Variants in AFF2 observed in about 807,000 individuals in gnomAD.
The protein encoded by AFF2 is ALF transcription elongation factor 2, also known as AF4/FMR2 family member 2.
Under a neutral mutation model 76.9 loss-of-function variants are expected in AFF2, and 14 were observed. The observed-to-expected ratio is 0.18, with a 90% CI of 0.12 to 0.28. The LOEUF is 0.28. Among genes scored for constraint, AFF2 ranks in the 10% least tolerant of loss-of-function variants. The pLI is 1.00. For synonymous variants in AFF2, 398 were observed against 366.7 expected, an observed-to-expected ratio of 1.09 and a Z score of -0.98; for missense variants, 868 against 1,001.1, an observed-to-expected ratio of 0.87 and a Z score of 1.79.
chrX:148,993,963 A>G lies in AFF2; in HGVS notation c.*2631A>G, dbSNP rs2072563144. On this transcript the variant is annotated 3_prime_UTR_variant, in exon 21 of 21. Coordinates refer to ENST00000370460, the MANE Select transcript of AFF2 (RefSeq NM_002025.4). ...TGATGCGTGTCGTAGGTGTGCAGCTATTTGAGGGACTAAGGGATGGAGATA... is the reference window on the plus strand; with the variant it reads ...TGATGCGTGTCGTAGGTGTGCAGCTGTTTGAGGGACTAAGGGATGGAGATA... 8.9e-6 allele frequency: 1 copy of G among 112,112 alleles called. No individual in the cohort carries two copies. The highest frequency in any genetic ancestry group is 1.9e-5 in the Non-Finnish European group (1 of 53,205). The allele number at this position is 112,112 out of a possible 1,213,427, so 9.2% of individuals were successfully genotyped here. A position where few individuals can be genotyped will look rare whatever the true frequency, so the allele number is the denominator to read the frequency against.
chrX:148,792,844 A>G (rs1391103216), intron 3 of AFF2, among the ~76,000 whole-genome samples: 2 of 110,229 alleles, frequency 1.8e-5, no homozygotes, highest in African/African-American at 6.8e-5. Flanking sequence ...AACTAGACAA[A>G]AAAAGAAAGA....
At position 148,958,401 on chromosome X, in the gene AFF2, G is replaced by T; in HGVS notation, c.2633G>T (p.Cys878Phe). 2.5e-6 allele frequency: 3 copies of T among 1,210,635 alleles called. No individual in the cohort carries two copies. Among genetic ancestry groups the T allele is most frequent in the Non-Finnish European group, 3.4e-6 (3 of 894,762 alleles). The part of the protein sequence containing the change: ...KQRLEEATTI[C>F]LLPPCISPAP... ...CGCCTGGAGGAGGCCACAACTATCT[G>T]CTTGCTCCCTCCTTGCATCTCACCA... Residue 878 changes from cysteine to phenylalanine, a missense_variant, in exon 12 of 21, where the codon TGC becomes TTC. Coordinates refer to ENST00000370460, the MANE Select transcript of AFF2 (RefSeq NM_002025.4).
chrX:148,750,269 G>A (rs952112640), intron 3 of AFF2, among the ~76,000 whole-genome samples: 2 of 111,274 alleles, frequency 1.8e-5, no homozygotes, highest in Non-Finnish European at 3.8e-5. Context: ...GCGCCCAGCC[G>A]CCTGCACCCT....
chrX:148,915,294 T>C (rs782703999), intron 9 of AFF2, among the ~76,000 whole-genome samples: 1 of 112,689 alleles, frequency 8.9e-6, no homozygotes, highest in Non-Finnish European at 1.9e-5. Context: ...GTTTATATAC[T>C]CTATATCAGC....
chrX:148,615,290 C>T lies in AFF2; in HGVS notation c.48-36709C>T, dbSNP rs192568316. ...AAGGGCTTACTCTCCTCAGCTAATG[C>T]ACCATTTCAAGTCTCTGTCACTGGC... On this transcript the variant is annotated intron_variant, in intron 1 of 20. Transcript: ENST00000370460. 6.2e-5 allele frequency among the ~76,000 whole-genome samples: 7 copies of T among 112,058 alleles called. No individual in the cohort carries two copies. In the East Asian group the frequency reaches 1.4e-3, roughly 23 times the overall value.
intron 1 of AFF2, among the ~76,000 whole-genome samples, chrX:148,588,087 T>A (rs888113735): frequency 4.4e-5 from 5 of 112,645 alleles, no homozygotes; most frequent in African/African-American, 1.6e-4. Context: ...AGAAGGAAAC[T>A]AGCCTGCTCC....
At chrX:148,930,920 A>G (rs1337461207) in intron 9 of AFF2, among the ~76,000 whole-genome samples, 3 of 111,843 alleles carry the variant, frequency 2.7e-5, no homozygotes, top group Non-Finnish European at 5.6e-5. Context: ...TTCATCAAAT[A>G]CCACATTTTA....
rs2072661660 is a variant in AFF2, at chrX:149,000,324, C to A, written c.*8992C>A. ...TTTCAGTAAGTTCCAATTTCCTGTA[C>A]AGACCAGGGTAAACTGTTCTAAAAT... On this transcript the variant is annotated 3_prime_UTR_variant, in exon 21 of 21. Transcript: ENST00000370460. 1 of 112,678 alleles carries A rather than the reference C, an allele frequency of 8.9e-6. No homozygotes were observed. The highest frequency in any genetic ancestry group is 9.3e-5 in the Admixed American group (1 of 10,700). The allele number at this position is 112,678 out of a possible 1,213,427, so 9.3% of individuals were successfully genotyped here.
At chrX:148,779,236 A>G (rs1181056282) in intron 3 of AFF2, among the ~76,000 whole-genome samples, 1 of 111,355 alleles carries the variant, frequency 9.0e-6, no homozygotes, top group East Asian at 2.8e-4. Flanking sequence ...ATTCTTTTGC[A>G]TTTGCTGAGG....
intron 3 of AFF2, among the ~76,000 whole-genome samples, chrX:148,726,536 T>G (rs782120130): frequency 8.9e-6 from 1 of 112,001 alleles, no homozygotes; most frequent in South Asian, 3.7e-4. Context: ...GCACATACCA[T>G]CCTTTTGTCC....
At chrX:148,888,360 A>G (rs988928181) in intron 8 of AFF2, among the ~76,000 whole-genome samples, 2 of 111,995 alleles carry the variant, frequency 1.8e-5, no homozygotes, top group African/African-American at 6.5e-5. Flanking sequence ...ATTTTGTTTT[A>G]TGGCTAAGTA....
At chrX:148,947,267 A>T (rs374125538) in intron 9 of AFF2, among the ~76,000 whole-genome samples, 1 of 112,252 alleles carries the variant, frequency 8.9e-6, no homozygotes, top group Non-Finnish European at 1.9e-5. Context: ...CTGTCTGCTC[A>T]TCAATAGCAT....
In AFF2 at chrX:148,598,490, C is replaced by T. The variant is rs782120227; in HGVS notation, c.48-53509C>T. On this transcript the variant is annotated intron_variant, in intron 1 of 20. Transcript: ENST00000370460. Reference sequence around the variant, plus strand: ...TGGCAGGGTGAGAAGGCCCTGCTTCCTAGAGTGCCACCATCCCAAGGCACT... The same window carrying T: ...TGGCAGGGTGAGAAGGCCCTGCTTCTTAGAGTGCCACCATCCCAAGGCACT... 2.7e-5 allele frequency among the ~76,000 whole-genome samples: 3 copies of T among 112,319 alleles called. No individual in the cohort carries two copies. In the South Asian group the frequency reaches 1.1e-3, roughly 41 times the overall value.
At chrX:148,501,552 G>T (rs2052351696) in intron 1 of AFF2, among the ~76,000 whole-genome samples, 2 of 113,324 alleles carry the variant, frequency 1.8e-5, no homozygotes, top group South Asian at 7.1e-4. Flanking sequence ...CCCGCGGCGG[G>T]CCATGGGGGA....
At chrX:148,518,454 G>A (rs2052562086) in intron 1 of AFF2, among the ~76,000 whole-genome samples, 1 of 112,568 alleles carries the variant, frequency 8.9e-6, no homozygotes, top group African/African-American at 3.2e-5. Context: ...TCTGTCAGGC[G>A]AGACATTTAT....
At chrX:148,989,047 G>A (rs1436287178) in intron 20 of AFF2, among the ~76,000 whole-genome samples, 1 of 112,138 alleles carries the variant, frequency 8.9e-6, no homozygotes, top group African/African-American at 3.2e-5. Flanking sequence ...GACCTTTGGT[G>A]AGATCCCAAA....
intron 1 of AFF2, among the ~76,000 whole-genome samples, chrX:148,517,320 T>C (rs1198510994): frequency 8.9e-6 from 1 of 111,973 alleles, no homozygotes; most frequent in African/African-American, 3.3e-5. Context: ...CCTCGTTGCT[T>C]CATGCTGGAG....
chrX:148,863,268 A>G (rs1340640954), intron 7 of AFF2, among the ~76,000 whole-genome samples: 1 of 112,038 alleles, frequency 8.9e-6, no homozygotes, highest in Admixed American at 9.5e-5. Flanking sequence ...TAGAAACTTG[A>G]CAATAGAAGA....
At chrX:148,571,739 G>A (rs1191238240) in intron 1 of AFF2, among the ~76,000 whole-genome samples, 6 of 110,994 alleles carry the variant, frequency 5.4e-5, no homozygotes, top group Admixed American at 1.9e-4. Context: ...AGCCTGAGTC[G>A]GTTCATTGTC....
Sources: gnomAD v4.1 joint callset for allele counts (sites outside exome capture counted in the v4.1 genomes callset) on GRCh38, gnomAD v4.1.1 for gene constraint, MANE v1.5 for transcripts, NCBI Gene and HGNC (gene_info 2026-07-23, HGNC 2026-07-21) for gene names.